The following HOMER1 variants were observed in gnomAD, a reference collection of about 807,000 sequenced individuals.
HOMER1 encodes the protein homer protein homolog 1.
A neutral mutation model predicts 48.9 loss-of-function variants in HOMER1; 3 were observed. The observed-to-expected ratio is 0.06, with a 90% CI of 0.03 to 0.16. The LOEUF (loss-of-function observed/expected upper bound fraction) is 0.16, where lower values mean the gene tolerates loss of function less well. Ranked by LOEUF, HOMER1 falls within the 10% of genes least tolerant of loss-of-function variation. The pLI, the probability that HOMER1 is intolerant of heterozygous loss-of-function variation, is 1.00. For missense variants in HOMER1, 247 were observed against 411.4 expected, an observed-to-expected ratio of 0.60 and a Z score of 3.46; for synonymous variants, 134 against 146.4, an observed-to-expected ratio of 0.92 and a Z score of 0.61.
chr5:79,381,408 T>C (rs766789309), intron 8 of HOMER1, among the ~76,000 whole-genome samples: 13 of 152,200 alleles, frequency 8.5e-5, no homozygotes, highest in Non-Finnish European at 1.8e-4. Context: ...TTAAACCAGA[T>C]GTGTAGATAT....
intron 2 of HOMER1, 120 bp from the exon 3 acceptor site, chr5:79,451,241 A>G: frequency 1.1e-6 from 1 of 910,604 alleles, no homozygotes; most frequent in Non-Finnish European, 1.6e-6. Context: ...TTAAATACAT[A>G]AAGATAGTTA....
intron 5 of HOMER1, among the ~76,000 whole-genome samples, chr5:79,409,364 G>A (rs910490167): frequency 2.6e-5 from 4 of 151,588 alleles, no homozygotes; most frequent in South Asian, 2.1e-4. Flanking sequence ...CCGGGGAGGC[G>A]GAGGTTGTGG....
intron 1 of HOMER1, among the ~76,000 whole-genome samples, chr5:79,502,789 T>C (rs766478546): frequency 6.6e-5 from 10 of 152,182 alleles, no homozygotes; most frequent in African/African-American, 9.7e-5. Context: ...AAAATCTGCA[T>C]GTAACTTTTT....
chr5:79,418,187 G>T (rs1198636166), intron 5 of HOMER1, among the ~76,000 whole-genome samples: 1 of 152,190 alleles, frequency 6.6e-6, no homozygotes, highest in Non-Finnish European at 1.5e-5. Flanking sequence ...AATATGCAAA[G>T]GTAAGGGCCC....
chr5:79,406,107 T>C (rs546754253), intron 5 of HOMER1, among the ~76,000 whole-genome samples: 1 of 152,272 alleles, frequency 6.6e-6, no homozygotes, highest in East Asian at 1.9e-4. Context: ...TTTATATGAG[T>C]AGTCTAGGTA....
At chr5:79,414,300 G>A (rs1016524227) in intron 5 of HOMER1, among the ~76,000 whole-genome samples, 1 of 150,154 alleles carries the variant, frequency 6.7e-6, no homozygotes. Context: ...TTGCAGTGTT[G>A]TCCAGGCTGG....
chr5:79,385,869 C>G (rs554233779), intron 8 of HOMER1, among the ~76,000 whole-genome samples: 6 of 111,528 alleles, frequency 5.4e-5, no homozygotes, highest in African/African-American at 1.9e-4. Flanking sequence ...AAAAAAAAAG[C>G]TATCATCTTA....
chr5:79,450,892 A>C (rs1348700942), intron 3 of HOMER1, 98 bp downstream of exon 3: 14 of 1,165,974 alleles, frequency 1.2e-5, no homozygotes, highest in Non-Finnish European at 1.5e-5. Context: ...TATTAAATAA[A>C]TTTCTCCTAT....
At chr5:79,393,984 A>AT (rs913036148) in intron 8 of HOMER1, among the ~76,000 whole-genome samples, 4 of 152,112 alleles carry the variant, frequency 2.6e-5, no homozygotes, top group Non-Finnish European at 4.4e-5. Flanking sequence ...CAGGATTATG[A>AT]TTTTTTTAAT....
At chr5:79,493,826 A>C (rs1221979854) in intron 1 of HOMER1, among the ~76,000 whole-genome samples, 1 of 152,092 alleles carries the variant, frequency 6.6e-6, no homozygotes, top group Non-Finnish European at 1.5e-5. Flanking sequence ...AATTTCCTGA[A>C]CCCTAGAGCT....
intron 3 of HOMER1, among the ~76,000 whole-genome samples, chr5:79,448,899 A>C (rs918693918): frequency 6.6e-6 from 1 of 151,938 alleles, no homozygotes; most frequent in Non-Finnish European, 1.5e-5. Flanking sequence ...CCAATATTCA[A>C]CCTACCCTCA....
chr5:79,378,220 C>CT (rs1302929645), intron 8 of HOMER1, among the ~76,000 whole-genome samples: 2 of 74,206 alleles, frequency 2.7e-5, no homozygotes, highest in African/African-American at 1.0e-4. Flanking sequence ...AAGACTCTGT[C>CT]TCAAAAAAAA....
chr5:79,458,724 A>C (rs543097115), intron 1 of HOMER1, among the ~76,000 whole-genome samples: 1 of 152,314 alleles, frequency 6.6e-6, no homozygotes, highest in Admixed American at 6.5e-5. Context: ...CACTCCCTAA[A>C]AAATGAAGTG....
Position 79,458,364 on chromosome 5 carries a change from TAAAGA to T in HOMER1, c.6-1351_6-1347del, listed in dbSNP as rs148043990. Among the ~76,000 whole-genome samples the T allele has an allele frequency of 8.2e-3, 1,252 of 152,060 alleles. 14 individuals are homozygous for T. Among genetic ancestry groups the T allele is most frequent in the African/African-American group, 0.027 (1,119 of 41,544 alleles). ...TCTTTTCTAAAGCAGTTCAATGTCA[TAAAGA>T]AAATTTTAATTGGTAATATTTAATA... On this transcript the variant is annotated intron_variant, in intron 1 of 8. Transcript: ENST00000334082.
chr5:79,467,864 C>T (rs1260612219), intron 1 of HOMER1, among the ~76,000 whole-genome samples: 1 of 152,106 alleles, frequency 6.6e-6, no homozygotes, highest in Non-Finnish European at 1.5e-5. Flanking sequence ...TCAGCCTTGA[C>T]CTCTCAGGCT....
chr5:79,396,862 T>C lies in HOMER1; in HGVS notation c.837A>G (p.Glu279=), dbSNP rs145075466. 3.2e-4 allele frequency: 514 copies of C among 1,604,540 alleles called. 1 individual carries two copies. The African/African-American group carries it at 6.2e-3, about 19-fold the overall frequency. Residue 279 remains glutamate, a synonymous_variant, in exon 8 of 9, where the codon GAA becomes GAG. Coordinates refer to ENST00000334082, the MANE Select transcript of HOMER1 (RefSeq NM_004272.5). ...RLKQEIDNAR[E]LQEQRDSLTQ... Reference sequence around the variant, plus strand: ...TCAAAGAATCCCTCTGTTCTTGTAGTTCTCTGGCATTATCAATTTCTTGTT... The same window carrying C: ...TCAAAGAATCCCTCTGTTCTTGTAGCTCTCTGGCATTATCAATTTCTTGTT...
rs3082000 is a variant in HOMER1 at position 79,379,079 on chromosome 5, CATATATATAT to C, written c.877-2892_877-2883del. Among the ~76,000 whole-genome samples the C allele has an allele frequency of 1.0e-3, 56 of 55,216 alleles. 1 individual carries two copies. Among genetic ancestry groups the C allele is most frequent in the African/African-American group, 2.3e-3 (40 of 17,510 alleles). 36.2% of individuals were successfully genotyped at this position (55,216 alleles called of 152,430 possible). A position where few individuals can be genotyped will look rare whatever the true frequency, so the allele number is the denominator to read the frequency against. ...ACTTCTTAGGTGTCTACCTTTTGTCCATATATATATATATATATATATATATATATATATA... is the reference window on the plus strand; with the variant it reads ...ACTTCTTAGGTGTCTACCTTTTGTCCATATATATATATATATATATATATA... On this transcript the variant is annotated intron_variant, in intron 8 of 8. Coordinates refer to ENST00000334082, the MANE Select transcript of HOMER1 (RefSeq NM_004272.5).
chr5:79,496,817 C>G lies in HOMER1; in HGVS notation c.5+15953G>C, dbSNP rs150818980. Among the ~76,000 whole-genome samples, 81 of 152,092 alleles carry G rather than the reference C, an allele frequency of 5.3e-4. 7 individuals carry two copies. In the East Asian group the frequency reaches 0.015, roughly 29 times the overall value. On this transcript the variant is annotated intron_variant, in intron 1 of 8. Transcript: ENST00000334082. The stretch of plus-strand genomic sequence containing the variant: ...CGGTGGCTCATGCCTGTAATTCCAG[C>G]TCTTTGGGAGGCCGAGGTGGGTGGA...
chr5:79,509,179 T>C (rs549735992), intron 1 of HOMER1, among the ~76,000 whole-genome samples: 1 of 152,280 alleles, frequency 6.6e-6, no homozygotes, highest in Admixed American at 6.5e-5. Context: ...TCCATGCTTC[T>C]GGAAGTTATT....
Sources: gnomAD v4.1 joint callset for allele counts (sites outside exome capture counted in the v4.1 genomes callset) on GRCh38, gnomAD v4.1.1 for gene constraint, MANE v1.5 for transcripts, NCBI Gene and HGNC (gene_info 2026-07-23, HGNC 2026-07-21) for gene names.